PRKAR1A: variants seen among roughly 807,000 people sequenced by gnomAD.
PRKAR1A encodes the protein cAMP-dependent protein kinase type I-alpha regulatory subunit.
PRKAR1A carries 3 observed loss-of-function variants against 52.0 expected under a neutral mutation model. The ratio of observed to expected loss-of-function variants is 0.06; its 90% CI spans 0.03 to 0.15. The LOEUF is 0.15. PRKAR1A is among the 10% of genes least tolerant of loss of function. PRKAR1A has a pLI of 1.00. For missense variants in PRKAR1A, 240 were observed against 477.4 expected (o/e 0.50, Z 4.63); for synonymous variants, 188 against 168.4 (o/e 1.12, Z -0.90).
At chr17:68,481,225 G>A in the PRKAR1A span, among the ~76,000 whole-genome samples, 1 of 152,220 alleles carries the variant, frequency 6.6e-6, no homozygotes, top group Non-Finnish European at 1.5e-5. Context: ...TTTGGCACCA[G>A]GGACTGGTTT....
chr17:68,492,332 C>T, the PRKAR1A span, among the ~76,000 whole-genome samples: 3 of 152,248 alleles, frequency 2.0e-5, no homozygotes, highest in African/African-American at 4.8e-5. Context: ...CTTTACCACC[C>T]TCATGAGCCT....
chr17:68,540,106 T>C (rs2143464549), intron 11 of PRKAR1A: 1 of 744,574 alleles, frequency 1.3e-6, no homozygotes, highest in Middle Eastern at 2.9e-4. Context: ...CACACTGTCA[T>C]TTCCTCAGGG....
chr17:68,433,785 T>G, the PRKAR1A span, among the ~76,000 whole-genome samples: 288 of 88,316 alleles, frequency 3.3e-3, 12 homozygotes, highest in East Asian at 0.064. Flanking sequence ...TTTTTTTTTT[T>G]TTTTTTTTTT....
chr17:68,540,819 TCTG>T, intron 11 of PRKAR1A: 2 of 1,571,480 alleles, frequency 1.3e-6, no homozygotes, highest in Non-Finnish European at 1.7e-6. Context: ...AGAGCCCACT[TCTG>T]CTGGGGGCCT....
chr17:68,421,900 CCA>C, the PRKAR1A span: 1 of 1,581,174 alleles, frequency 6.3e-7, no homozygotes, highest in Non-Finnish European at 8.7e-7. Flanking sequence ...AGGTCTGTGC[CCA>C]TGCAGAGTGA....
At chr17:68,431,015 T>C in the PRKAR1A span, among the ~76,000 whole-genome samples, 1 of 152,146 alleles carries the variant, frequency 6.6e-6, no homozygotes, top group African/African-American at 2.4e-5. Flanking sequence ...AAAGTGACTA[T>C]GCTAGGTGCA....
chr17:68,437,294 C>T, the PRKAR1A span, among the ~76,000 whole-genome samples: 9 of 152,246 alleles, frequency 5.9e-5, no homozygotes, highest in South Asian at 1.0e-3. Context: ...GTGGCCCACA[C>T]CTGTGATCCC....
the PRKAR1A span, among the ~76,000 whole-genome samples, chr17:68,492,088 C>T: frequency 2.6e-5 from 4 of 152,290 alleles, no homozygotes; most frequent in African/African-American, 4.8e-5. Flanking sequence ...ATGCAAAAGC[C>T]GCAGGCACAT....
the PRKAR1A span, among the ~76,000 whole-genome samples, chr17:68,479,975 G>C: frequency 1.3e-5 from 2 of 152,170 alleles, no homozygotes; most frequent in African/African-American, 4.8e-5. Context: ...ACTATCATGA[G>C]AACAGCATAA....
the PRKAR1A span, chr17:68,420,353 C>T: frequency 6.2e-7 from 1 of 1,614,108 alleles, no homozygotes; most frequent in Non-Finnish European, 8.5e-7. Context: ...TGCAGACGTC[C>T]TCCAAGACAT....
the PRKAR1A span, chr17:68,428,459 C>T: frequency 1.3e-4 from 27 of 201,134 alleles, no homozygotes; most frequent in Non-Finnish European, 1.7e-4. Context: ...TCTTGAACAC[C>T]TGGACTCAAG....
chr17:68,467,154 T>C, the PRKAR1A span, among the ~76,000 whole-genome samples: 12 of 152,358 alleles, frequency 7.9e-5, no homozygotes, highest in African/African-American at 1.9e-4. Flanking sequence ...ATTTTATACA[T>C]TTATCAGCTG....
chr17:68,469,363 C>T, the PRKAR1A span, among the ~76,000 whole-genome samples: 1 of 152,036 alleles, frequency 6.6e-6, no homozygotes, highest in Non-Finnish European at 1.5e-5. Flanking sequence ...TCACATTAGC[C>T]TGTGTATTTC....
At chr17:68,425,893 T>C in the PRKAR1A span, 1 of 586,766 alleles carries the variant, frequency 1.7e-6, no homozygotes, top group Non-Finnish European at 3.0e-6. Context: ...ACCTAAAGCC[T>C]ACTCTGTAGG....
At chr17:68,420,012 C>A in the PRKAR1A span, among the ~76,000 whole-genome samples, 1 of 152,082 alleles carries the variant, frequency 6.6e-6, no homozygotes, top group Non-Finnish European at 1.5e-5. Flanking sequence ...ACAGGATCAT[C>A]ACTGGAAGGA....
At chr17:68,542,309 T>C (rs543538141) in intron 11 of PRKAR1A, 3 of 963,160 alleles carry the variant, frequency 3.1e-6, no homozygotes, top group African/African-American at 3.3e-5. Context: ...AAACATTGAC[T>C]TTTCCAGAAG....
intron 11 of PRKAR1A, chr17:68,542,595 TG>T (rs962578450): frequency 1.0e-5 from 9 of 898,636 alleles, no homozygotes; most frequent in Admixed American, 8.7e-5. Flanking sequence ...TAATGGATAG[TG>T]CTAGCAGCAG....
At chr17:68,523,142 G>T (rs552187536) in intron 3 of PRKAR1A, among the ~76,000 whole-genome samples, 2 of 152,264 alleles carry the variant, frequency 1.3e-5, no homozygotes, top group East Asian at 1.9e-4. Flanking sequence ...TGCATTTTGG[G>T]GTTTGTTATT....
chr17:68,487,976 T>G, the PRKAR1A span, among the ~76,000 whole-genome samples: 25 of 151,880 alleles, frequency 1.6e-4, no homozygotes, highest in African/African-American at 5.6e-4. Context: ...CTTACGTTTG[T>G]ATGAAAGAGA....
Sources: gnomAD v4.1 joint callset for allele counts (sites outside exome capture counted in the v4.1 genomes callset) on GRCh38, gnomAD v4.1.1 for gene constraint, MANE v1.5 for transcripts, NCBI Gene and HGNC (gene_info 2026-07-23, HGNC 2026-07-21) for gene names.